ECI2: variants seen among roughly 807,000 people sequenced by gnomAD.
The protein encoded by ECI2 is enoyl-CoA delta isomerase 2.
ECI2 carries 27 observed loss-of-function variants against 38.4 expected under a neutral mutation model. The observed-to-expected ratio is 0.70, with a 90% confidence interval of 0.52 to 0.97. The LOEUF is 0.97. ECI2 is among the 50% of genes least tolerant of loss of function. The pLI is 0.00. For missense variants in ECI2, 470 were observed against 474.4 expected (o/e 0.99, Z 0.09); for synonymous variants, 168 against 172.0 (o/e 0.98, Z 0.18).
At chr6:4,120,063 C>T (rs1393103406) in intron 7 of ECI2, among the ~76,000 whole-genome samples, 1 of 152,158 alleles carries the variant, frequency 6.6e-6, no homozygotes, top group African/African-American at 2.4e-5. Context: ...TTATCATTCA[C>T]CAGTTAATGC....
At chr6:4,119,000 G>T in intron 8 of ECI2, 186 bp downstream of exon 8, 1 of 506,612 alleles carries the variant, frequency 2.0e-6, no homozygotes. Context: ...TAATTTTCCT[G>T]CATAGCAGAT....
chr6:4,117,594 C>T (rs1581961470), intron 8 of ECI2, 143 bp from the exon 9 acceptor site: 1 of 1,125,116 alleles, frequency 8.9e-7, no homozygotes, highest in Non-Finnish European at 1.2e-6. Flanking sequence ...AAGCTGATGA[C>T]CTCAATAGGC....
intron 7 of ECI2, among the ~76,000 whole-genome samples, chr6:4,121,717 A>T (rs1772780527): frequency 6.7e-6 from 1 of 150,240 alleles, no homozygotes. Flanking sequence ...TACATTTAAG[A>T]CATATTTTTG....
chr6:4,116,552 C>T (rs1347333770), intron 9 of ECI2, among the ~76,000 whole-genome samples: 1 of 151,554 alleles, frequency 6.6e-6, no homozygotes, highest in African/African-American at 2.4e-5. Flanking sequence ...GCAATTCTCC[C>T]TGCCTCAGCA....
intron 5 of ECI2, among the ~76,000 whole-genome samples, chr6:4,127,184 A>G (rs957656032): frequency 2.6e-5 from 4 of 152,194 alleles, no homozygotes; most frequent in African/African-American, 9.6e-5. Context: ...CAAATAGTCA[A>G]CAATTTGTTT....
chr6:4,135,343 C>A, intron 1 of ECI2, 168 bp downstream of exon 1: 1 of 1,474,746 alleles, frequency 6.8e-7, no homozygotes, highest in Non-Finnish European at 9.0e-7. Flanking sequence ...GGAGGGCGCG[C>A]GTGAGGTCGT....
At chr6:4,130,264 C>A in intron 4 of ECI2, 108 bp downstream of exon 4, 1 of 1,613,404 alleles carries the variant, frequency 6.2e-7, no homozygotes, top group African/African-American at 1.3e-5. Flanking sequence ...ACAAATCAAA[C>A]AAGAGATATC....
At position 4,125,317 on chromosome 6, in the gene ECI2, T is replaced by A; in HGVS notation, c.728A>T (p.Asn243Ile). The A allele has an allele frequency of 6.2e-7, 1 of 1,614,192 alleles. No homozygotes were observed. The highest frequency in any genetic ancestry group is 8.5e-7 in the Non-Finnish European group (1 of 1,180,040). The change falls in exon 7 of 10, where the codon AAT becomes ATT. Residue 243 changes from asparagine to isoleucine, a missense_variant. Transcript: ENST00000380118. ...GACGGAGATGCCCACAGCTGGACCA[T>A]TGACCACTGCAATCAGAGGCTTAGG... Reference protein sequence around the residue: ...DFPKPLIAVVNGPAVGISVTL... With the variant: ...DFPKPLIAVVIGPAVGISVTL...
intron 3 of ECI2, 55 bp downstream of exon 3, chr6:4,130,712 G>A: frequency 6.2e-7 from 1 of 1,607,796 alleles, no homozygotes; most frequent in Non-Finnish European, 8.5e-7. Flanking sequence ...TTAATGAGAA[G>A]CACAAACTTC....
intron 9 of ECI2, among the ~76,000 whole-genome samples, chr6:4,116,270 G>A (rs1772262099): frequency 6.6e-6 from 1 of 151,786 alleles, no homozygotes; most frequent in Admixed American, 6.5e-5. Flanking sequence ...AGAATTGCTT[G>A]AACCCGGGAG....
Position 4,115,873 on chromosome 6 carries a change from A to T in ECI2, c.*1T>A. The T allele has an allele frequency of 5.6e-6, 9 of 1,610,554 alleles. No individual in the cohort carries two copies. The highest frequency in any genetic ancestry group is 7.6e-6 in the Non-Finnish European group (9 of 1,178,358). On this transcript the variant is annotated 3_prime_UTR_variant, in exon 10 of 10. Transcript: ENST00000380118. ...CATGCTTTACTCTGCTGTAGTGGTC[A>T]TCACAGTTTTGATTTTCTGGATAAG... is the stretch of plus-strand genomic sequence containing the variant.
chr6:4,130,200 C>T, intron 4 of ECI2, 172 bp downstream of exon 4: 1 of 1,613,804 alleles, frequency 6.2e-7, no homozygotes, highest in African/African-American at 1.3e-5. Flanking sequence ...AAACTCTAAA[C>T]AATGAATGCT....
In ECI2 at chr6:4,133,605, A is replaced by G. The variant is rs1380453263; in HGVS notation, c.157T>C (p.Leu53=). Residue 53 remains leucine, a synonymous_variant, in exon 2 of 10, where the codon TTG becomes CTG. Transcript: ENST00000380118. ...FENSMNQVKL[L]KKDPGNEVKL... is the part of the protein sequence containing the mutation. ...ACTTCGTTTCCTGGATCCTTTTTCA[A>G]GAGTTTCACTTGATTCATTGAATTT... is the stretch of plus-strand genomic sequence containing the variant. 2 of 1,613,960 alleles carry G rather than the reference A, an allele frequency of 1.2e-6. No individual in the cohort carries two copies. The highest frequency in any genetic ancestry group is 1.7e-5 in the Admixed American group (1 of 59,988).
chr6:4,135,377 GA>G (rs940264565), intron 1 of ECI2, 133 bp downstream of exon 1: 5 of 1,536,530 alleles, frequency 3.3e-6, no homozygotes, highest in African/African-American at 1.4e-5. Context: ...TACCTCACCG[GA>G]AAACCAGCAA....
intron 6 of ECI2, 147 bp from the exon 7 acceptor site, chr6:4,125,517 T>C: frequency 4.5e-6 from 5 of 1,116,090 alleles, no homozygotes; most frequent in Non-Finnish European, 6.3e-6. Flanking sequence ...GTCCTGCCAC[T>C]TCCCTGGTCT....
intron 5 of ECI2, among the ~76,000 whole-genome samples, chr6:4,126,839 A>G (rs1561655800): frequency 1.3e-5 from 2 of 152,234 alleles, no homozygotes; most frequent in Non-Finnish European, 2.9e-5. Context: ...TATATACAAT[A>G]AAACAACCAG....
chr6:4,127,404 C>CTTTTTTTT (rs71001567), intron 5 of ECI2, among the ~76,000 whole-genome samples: 3 of 75,892 alleles, frequency 4.0e-5, no homozygotes, highest in African/African-American at 1.6e-4. Context: ...ATCTTAGAGC[C>CTTTTTTTT]TTTTTTTTTT....
intron 7 of ECI2, among the ~76,000 whole-genome samples, chr6:4,121,047 T>C (rs1171606239): frequency 6.6e-6 from 1 of 152,180 alleles, no homozygotes; most frequent in African/African-American, 2.4e-5. Flanking sequence ...TCTAGAGTGG[T>C]TGTACCATTT....
intron 2 of ECI2, 123 bp downstream of exon 2, chr6:4,133,425 TC>T (rs1053761567): frequency 1.8e-6 from 2 of 1,127,680 alleles, no homozygotes; most frequent in African/African-American, 3.1e-5. Flanking sequence ...CACACACTCT[TC>T]AGAGAAGAGG....
Sources: allele counts gnomAD v4.1 joint callset (sites outside exome capture counted in the v4.1 genomes callset), GRCh38; gene constraint gnomAD v4.1.1; transcripts MANE v1.5; gene names NCBI Gene and HGNC (gene_info 2026-07-23, HGNC 2026-07-21).